The following CNTNAP2 variants were observed in gnomAD, a reference collection of about 807,000 sequenced individuals.
The protein encoded by CNTNAP2 is contactin associated protein 2, also known as contactin-associated protein-like 2.
CNTNAP2 carries 98 observed loss-of-function variants against 155.2 expected under a neutral mutation model. The observed-to-expected ratio is 0.63, with a 90% CI of 0.54 to 0.75. The LOEUF (loss-of-function observed/expected upper bound fraction) is 0.75, where lower values mean the gene tolerates loss of function less well. Ranked by LOEUF, CNTNAP2 falls within the 30% of genes least tolerant of loss-of-function variation. The probability of loss-of-function intolerance (pLI) is 0.00; values close to 1 mark genes in which losing one functional copy is unlikely to be tolerated. For synonymous variants in CNTNAP2, 651 were observed against 631.2 expected, an observed-to-expected ratio of 1.03 and a Z score of -0.47; for missense variants, 1,727 against 1,688.1, an observed-to-expected ratio of 1.02 and a Z score of -0.40.
At chr7:146,854,536 G>A (rs1794939241) in intron 3 of CNTNAP2, among the ~76,000 whole-genome samples, 1 of 151,000 alleles carries the variant, frequency 6.6e-6, no homozygotes. Flanking sequence ...CAGTGGGCCA[G>A]GTGAAATGGT....
At chr7:146,202,322 C>A (rs529362612) in intron 1 of CNTNAP2, among the ~76,000 whole-genome samples, 1 of 152,022 alleles carries the variant, frequency 6.6e-6, no homozygotes, top group Non-Finnish European at 1.5e-5. Flanking sequence ...TAACTGATGG[C>A]TAAATGTTAT....
intron 13 of CNTNAP2, among the ~76,000 whole-genome samples, chr7:147,716,199 C>A (rs1296625901): frequency 6.6e-6 from 1 of 152,086 alleles, no homozygotes; most frequent in Non-Finnish European, 1.5e-5. Context: ...GTTGAAGTTA[C>A]CTTGTTTTCT....
At chr7:147,408,139 T>A (rs1312983323) in intron 10 of CNTNAP2, among the ~76,000 whole-genome samples, 1 of 150,554 alleles carries the variant, frequency 6.6e-6, no homozygotes, top group Non-Finnish European at 1.5e-5. Context: ...ACTTTCTTAC[T>A]GATTTATGAA....
intron 1 of CNTNAP2, among the ~76,000 whole-genome samples, chr7:146,481,572 A>G (rs1467712820): frequency 6.6e-6 from 1 of 152,180 alleles, no homozygotes; most frequent in South Asian, 2.1e-4. Context: ...CATCATCATC[A>G]TTGGAATTAT....
At chr7:147,466,953 C>A (rs1400269263) in intron 10 of CNTNAP2, among the ~76,000 whole-genome samples, 2 of 152,174 alleles carry the variant, frequency 1.3e-5, no homozygotes, top group African/African-American at 4.8e-5. Flanking sequence ...ACTAATTACA[C>A]ACTTCTGCCT....
chr7:148,296,570 T>C (rs1428855428), intron 21 of CNTNAP2, among the ~76,000 whole-genome samples: 1 of 59,774 alleles, frequency 1.7e-5, no homozygotes, highest in African/African-American at 5.4e-5. Flanking sequence ...AAAAAAAAAT[T>C]ATCCCGTGAA....
At chr7:147,767,233 G>C (rs1469780530) in intron 13 of CNTNAP2, among the ~76,000 whole-genome samples, 1 of 151,924 alleles carries the variant, frequency 6.6e-6, no homozygotes, top group East Asian at 1.9e-4. Context: ...TATTTTCACT[G>C]TACTACCTAA....
At chr7:146,674,683 C>T (rs559102878) in intron 1 of CNTNAP2, among the ~76,000 whole-genome samples, 62 of 152,112 alleles carry the variant, frequency 4.1e-4, no homozygotes, top group African/African-American at 1.4e-3. Context: ...CAGTTGGACC[C>T]GGGCCCTGTA....
intron 4 of CNTNAP2, among the ~76,000 whole-genome samples, chr7:147,071,341 A>C: frequency 6.6e-6 from 1 of 151,366 alleles, no homozygotes; most frequent in African/African-American, 2.4e-5. Flanking sequence ...AAAAAAAAAG[A>C]TGTATACATT....
At position 148,355,004 on chromosome 7, in the gene CNTNAP2, G is replaced by C. The variant is rs562968570; in HGVS notation, c.3476-28645G>C. Among the ~76,000 whole-genome samples the C allele has an allele frequency of 2.6e-5, 4 of 152,110 alleles. No individual in the cohort carries two copies. The East Asian group carries it at 7.8e-4, about 29-fold the overall frequency. ...AATTGATTAAACAATGGAAAGCTTG[G>C]CTTTACATGAGATGTGTGGAAAGCA... On this transcript the variant is annotated intron_variant, in intron 21 of 23. Transcript: ENST00000361727.
chr7:147,260,617 A>G (rs1804440099), intron 8 of CNTNAP2, among the ~76,000 whole-genome samples: 5 of 152,330 alleles, frequency 3.3e-5, no homozygotes, highest in Middle Eastern at 3.4e-3. Context: ...CAGAACCTGT[A>G]TAATTTTTTT....
chr7:147,494,528 G>A (rs1416585705), intron 11 of CNTNAP2, among the ~76,000 whole-genome samples: 1 of 147,480 alleles, frequency 6.8e-6, no homozygotes. Context: ...GTGCTGTAAA[G>A]ACATGCTGTG....
chr7:146,620,330 G>T (rs748823112), intron 1 of CNTNAP2, among the ~76,000 whole-genome samples: 5 of 152,172 alleles, frequency 3.3e-5, no homozygotes, highest in Non-Finnish European at 5.9e-5. Flanking sequence ...CTGCCTGCTA[G>T]TTGATCCAAA....
At chr7:146,698,046 T>G (rs1306063475) in intron 1 of CNTNAP2, among the ~76,000 whole-genome samples, 1 of 152,188 alleles carries the variant, frequency 6.6e-6, no homozygotes, top group East Asian at 1.9e-4. Context: ...CAAATAACTC[T>G]ACCTTACTTC....
chr7:147,195,919 C>T (rs1385749643), intron 8 of CNTNAP2, among the ~76,000 whole-genome samples: 1 of 152,102 alleles, frequency 6.6e-6, no homozygotes, highest in Non-Finnish European at 1.5e-5. Context: ...GAGCTTGGTA[C>T]TCTAAGCCCC....
At chr7:148,124,311 T>G (rs2116618605) in intron 16 of CNTNAP2, among the ~76,000 whole-genome samples, 1 of 152,288 alleles carries the variant, frequency 6.6e-6, no homozygotes, top group Admixed American at 6.5e-5. Context: ...CAAAGAAATA[T>G]TGTTCAAAAA....
intron 8 of CNTNAP2, among the ~76,000 whole-genome samples, chr7:147,208,356 AC>A (rs1205558199): frequency 6.6e-6 from 1 of 152,078 alleles, no homozygotes; most frequent in African/African-American, 2.4e-5. Context: ...TTTTATACTA[AC>A]TTTTGTTCAA....
At chr7:147,795,747 A>ATGG (rs1797883231) in intron 13 of CNTNAP2, among the ~76,000 whole-genome samples, 1 of 152,132 alleles carries the variant, frequency 6.6e-6, no homozygotes, top group East Asian at 1.9e-4. Context: ...CTCTGTTATT[A>ATGG]ACTAGTTGAA....
intron 1 of CNTNAP2, among the ~76,000 whole-genome samples, chr7:146,435,866 T>C (rs1796236122): frequency 6.6e-6 from 1 of 152,180 alleles, no homozygotes; most frequent in Non-Finnish European, 1.5e-5. Flanking sequence ...CAACAGGAGC[T>C]TATCTGCAGT....
Sources: gnomAD v4.1 joint callset for allele counts (sites outside exome capture counted in the v4.1 genomes callset) on GRCh38, gnomAD v4.1.1 for gene constraint, MANE v1.5 for transcripts, NCBI Gene and HGNC (gene_info 2026-07-23, HGNC 2026-07-21) for gene names.